The following TULP4 variants were observed in gnomAD, a reference collection of about 807,000 sequenced individuals.
TULP4 encodes tubby-related protein 4.
Under a neutral mutation model 129.0 loss-of-function variants are expected in TULP4, and 16 were observed. The ratio of observed to expected loss-of-function variants is 0.12; its 90% confidence interval spans 0.08 to 0.19. The LOEUF (loss-of-function observed/expected upper bound fraction) is 0.19, where lower values mean the gene tolerates loss of function less well. Ranked by LOEUF, TULP4 falls within the 10% of genes least tolerant of loss-of-function variation. TULP4 has a pLI of 1.00. For missense variants in TULP4, 1,842 were observed against 2,059.1 expected, an observed-to-expected ratio of 0.89 and a Z score of 2.04; for synonymous variants, 998 against 854.0, an observed-to-expected ratio of 1.17 and a Z score of -2.94.
intron 1 of TULP4, among the ~76,000 whole-genome samples, chr6:158,290,630 T>G (rs1778920998): frequency 6.6e-6 from 1 of 152,194 alleles, no homozygotes; most frequent in Non-Finnish European, 1.5e-5. Context: ...AGTTTTATAC[T>G]TTATTTCTAG....
intron 1 of TULP4, among the ~76,000 whole-genome samples, chr6:158,254,084 A>G (rs548847520): frequency 8.0e-4 from 121 of 152,112 alleles, no homozygotes; most frequent in African/African-American, 2.6e-3. Flanking sequence ...GTGCATGCCT[A>G]TGGAGGAGGG....
chr6:158,321,807 ATGTT>A (rs1176842604), intron 1 of TULP4, among the ~76,000 whole-genome samples: 2 of 152,220 alleles, frequency 1.3e-5, no homozygotes, highest in Non-Finnish European at 2.9e-5. Context: ...TCAACAATCT[ATGTT>A]AAGTTTTTTA....
intron 1 of TULP4, among the ~76,000 whole-genome samples, chr6:158,409,435 G>A (rs1778040749): frequency 6.6e-6 from 1 of 152,198 alleles, no homozygotes; most frequent in African/African-American, 2.4e-5. Context: ...CTTTGGTGCT[G>A]AGAGTCAACG....
In TULP4 at chr6:158,313,065, C is replaced by A; in HGVS notation, c.-952C>A. The A allele has an allele frequency of 6.2e-6, 1 of 161,884 alleles. No homozygotes were observed. The highest frequency in any genetic ancestry group is 1.3e-5 in the Non-Finnish European group (1 of 74,654). 10.0% of individuals were successfully genotyped at this position (161,884 alleles called of 1,614,324 possible). On this transcript the variant is annotated 5_prime_UTR_variant, in exon 1 of 14. Coordinates refer to ENST00000367097, the MANE Select transcript of TULP4 (RefSeq NM_020245.5). ...CTAACTGGGGGAGCGAGAAGGGAGA[C>A]GAGCAAAAGAAACAAAATCTTGCCA...
chr6:158,443,165 G>A (rs889373464), intron 3 of TULP4, among the ~76,000 whole-genome samples: 2 of 152,104 alleles, frequency 1.3e-5, no homozygotes, highest in Non-Finnish European at 2.9e-5. Context: ...TGTATTTTTA[G>A]TAGAGACTGG....
intron 1 of TULP4, among the ~76,000 whole-genome samples, chr6:158,368,465 T>C (rs1776994835): frequency 6.6e-6 from 1 of 152,184 alleles, no homozygotes; most frequent in Non-Finnish European, 1.5e-5. Flanking sequence ...TTCAGCAAAA[T>C]GTTCTTAGCC....
intron 3 of TULP4, among the ~76,000 whole-genome samples, chr6:158,446,960 C>T (rs1327981143): frequency 2.6e-5 from 4 of 152,162 alleles, no homozygotes; most frequent in African/African-American, 9.7e-5. Context: ...ATACCATCAA[C>T]ATAAATTGGG....
chr6:158,492,524 A>G (rs894010850), intron 9 of TULP4, among the ~76,000 whole-genome samples: 8 of 152,130 alleles, frequency 5.3e-5, no homozygotes, highest in Admixed American at 5.2e-4. Context: ...TTTTCCCATT[A>G]TGTAAGCAGA....
At chr6:158,462,709 G>A (rs1341998488) in intron 6 of TULP4, among the ~76,000 whole-genome samples, 2 of 148,454 alleles carry the variant, frequency 1.3e-5, no homozygotes, top group African/African-American at 2.5e-5. Context: ...CTTACAAAAG[G>A]GTAACTCTTC....
chr6:158,306,564 A>G (rs1212463341), intron 1 of TULP4, among the ~76,000 whole-genome samples: 2 of 152,208 alleles, frequency 1.3e-5, no homozygotes, highest in Non-Finnish European at 2.9e-5. Context: ...TTCAAAATAA[A>G]GAAAGAAGGA....
chr6:158,365,628 C>A (rs1008218861), intron 1 of TULP4, among the ~76,000 whole-genome samples: 1 of 151,550 alleles, frequency 6.6e-6, no homozygotes, highest in South Asian at 2.1e-4. Flanking sequence ...AGGTGCCCGC[C>A]ACCATGCCCA....
chr6:158,435,103 G>A (rs535832378), intron 3 of TULP4, among the ~76,000 whole-genome samples: 1 of 152,284 alleles, frequency 6.6e-6, no homozygotes, highest in South Asian at 2.1e-4. Context: ...CTGCAGTGAG[G>A]CACATACATA....
chr6:158,277,898 C>T (rs1254464410), upstream of TULP4, among the ~76,000 whole-genome samples: 1 of 152,194 alleles, frequency 6.6e-6, no homozygotes, highest in Non-Finnish European at 1.5e-5. Context: ...TGGGCCATCT[C>T]AAGCTTGGCT....
chr6:158,440,508 C>T (rs975177279), intron 3 of TULP4, among the ~76,000 whole-genome samples: 2 of 152,112 alleles, frequency 1.3e-5, no homozygotes, highest in African/African-American at 4.8e-5. Context: ...TCTAAGCCAA[C>T]GCAAAGAGTG....
Position 158,313,821 on chromosome 6 carries a change from AG to A in TULP4, c.-194del. ...AGAAGACTGCCATCATCTTTTATAG[AG>A]GAATTTTTTCACTATGCATTCGGTG... is the stretch of plus-strand genomic sequence containing the variant. On this transcript the variant is annotated 5_prime_UTR_variant, in exon 1 of 14. Transcript: ENST00000367097. 3 of 593,578 alleles carry A rather than the reference AG, an allele frequency of 5.1e-6. No individual in the cohort carries two copies. The highest frequency in any genetic ancestry group is 8.6e-6 in the Non-Finnish European group (3 of 348,588). The allele number at this position is 593,578 out of a possible 1,614,324, so 36.8% of individuals were successfully genotyped here.
At chr6:158,466,995 C>A (rs1326103937) in intron 6 of TULP4, among the ~76,000 whole-genome samples, 1 of 152,140 alleles carries the variant, frequency 6.6e-6, no homozygotes. Flanking sequence ...CCTGTATAGA[C>A]CCACCTGCTT....
chr6:158,321,795 A>G (rs1212451183), intron 1 of TULP4, among the ~76,000 whole-genome samples: 1 of 152,198 alleles, frequency 6.6e-6, no homozygotes, highest in East Asian at 1.9e-4. Context: ...ATTGTGGAGG[A>G]CTCAACAATC....
intron 2 of TULP4, among the ~76,000 whole-genome samples, chr6:158,419,974 T>TA (rs1778299494): frequency 6.6e-6 from 1 of 152,214 alleles, no homozygotes; most frequent in South Asian, 2.1e-4. Context: ...ATTCACCAAT[T>TA]AGACAACATA....
chr6:158,504,079 G>T lies in TULP4; in HGVS notation c.4416G>T (p.Pro1472=), dbSNP rs369723150. 9 of 1,608,072 alleles carry T rather than the reference G, an allele frequency of 5.6e-6. No individual in the cohort carries two copies. The Middle Eastern group carries it at 1.2e-3, about 206-fold the overall frequency. ...GFVYVMANKQ[P]LWNEATQVYQ... The stretch of plus-strand genomic sequence containing the variant: ...TGTACGTGATGGCCAACAAGCAGCC[G>T]CTGTGGAACGAGGCCACCCAGGTCT... The change falls in exon 13 of 14, where the codon CCG becomes CCT. Residue 1472 remains proline, a synonymous_variant. Coordinates refer to ENST00000367097, the MANE Select transcript of TULP4 (RefSeq NM_020245.5).
Sources: allele counts gnomAD v4.1 joint callset (sites outside exome capture counted in the v4.1 genomes callset), GRCh38; gene constraint gnomAD v4.1.1; transcripts MANE v1.5; gene names NCBI Gene and HGNC (gene_info 2026-07-23, HGNC 2026-07-21).